NFIA: variants seen among roughly 807,000 people sequenced by gnomAD.
NFIA encodes the protein nuclear factor I A, also known as nuclear factor 1 A-type.
In NFIA, 8 loss-of-function variants were observed where a neutral mutation model predicts 62.8. The ratio of observed to expected loss-of-function variants is 0.13; its 90% CI spans 0.07 to 0.23. The LOEUF (loss-of-function observed/expected upper bound fraction) is 0.23. Among genes scored for constraint, NFIA ranks in the 10% least tolerant of loss-of-function variants. NFIA has a pLI of 1.00. For synonymous variants in NFIA, 235 were observed against 238.1 expected (o/e 0.99, Z 0.12); for missense variants, 410 against 642.1 (o/e 0.64, Z 3.91).
At chr1:61,350,029 T>C (rs956311052) in intron 4 of NFIA, among the ~76,000 whole-genome samples, 3 of 152,206 alleles carry the variant, frequency 2.0e-5, no homozygotes, top group African/African-American at 4.8e-5. Context: ...TTGCCTATTA[T>C]ATTCTTCAGG....
chr1:61,374,722 G>A (rs1664063477), intron 6 of NFIA, among the ~76,000 whole-genome samples: 1 of 152,120 alleles, frequency 6.6e-6, no homozygotes, highest in African/African-American at 2.4e-5. Context: ...ACTTCTTTAT[G>A]ATGTGATAAT....
chr1:61,138,496 G>A (rs750468069), intron 2 of NFIA, among the ~76,000 whole-genome samples: 37 of 151,984 alleles, frequency 2.4e-4, no homozygotes, highest in Non-Finnish European at 2.5e-4. Flanking sequence ...CTTTGTTGCC[G>A]GACAGATTTG....
In NFIA at chr1:61,203,616, C is replaced by A. The variant is rs184859102; in HGVS notation, c.560-73904C>A. Among the ~76,000 whole-genome samples, 139 of 152,224 alleles carry A rather than the reference C, an allele frequency of 9.1e-4. 1 individual carries two copies. The highest frequency in any genetic ancestry group is 2.8e-3 in the African/African-American group (117 of 41,552). On this transcript the variant is annotated intron_variant, in intron 2 of 10. Transcript: ENST00000403491. The stretch of plus-strand genomic sequence containing the variant: ...CTTCCTTGATTAGCCTTCTTCCTCT[C>A]CCTTCTACCCATTGTACATGGTTTC...
chr1:61,223,027 T>C (rs989543405), intron 2 of NFIA, among the ~76,000 whole-genome samples: 1 of 152,036 alleles, frequency 6.6e-6, no homozygotes, highest in Non-Finnish European at 1.5e-5. Context: ...AGGGAAAAAA[T>C]GTTGCCGAAT....
intron 3 of NFIA, among the ~76,000 whole-genome samples, chr1:61,298,424 C>T (rs892921948): frequency 2.0e-5 from 3 of 151,970 alleles, no homozygotes; most frequent in Non-Finnish European, 2.9e-5. Flanking sequence ...AATGGACTAA[C>T]GTACTACCCT....
intron 2 of NFIA, among the ~76,000 whole-genome samples, chr1:61,192,576 G>T (rs575209373): frequency 6.6e-6 from 1 of 151,848 alleles, no homozygotes; most frequent in Non-Finnish European, 1.5e-5. Flanking sequence ...GGTGGTGGGC[G>T]CCTGTAATCC....
chr1:61,087,493 A>G (rs557688526), intron 1 of NFIA, among the ~76,000 whole-genome samples: 34 of 152,124 alleles, frequency 2.2e-4, no homozygotes, highest in African/African-American at 5.8e-4. Flanking sequence ...CTTCTTTTGT[A>G]TATGAACCTC....
At chr1:61,324,584 A>G (rs1204343973) in intron 3 of NFIA, among the ~76,000 whole-genome samples, 2 of 152,080 alleles carry the variant, frequency 1.3e-5, no homozygotes, top group African/African-American at 4.8e-5. Context: ...GGACCTGAAA[A>G]CTTTCTTTAG....
chr1:61,081,630 G>T, upstream of NFIA: 1 of 371,920 alleles, frequency 2.7e-6, no homozygotes, highest in Non-Finnish European at 4.9e-6. Context: ...TGGCGTCTGT[G>T]TTCAAACCCA....
intron 3 of NFIA, among the ~76,000 whole-genome samples, chr1:61,317,764 C>T: frequency 6.6e-6 from 1 of 151,892 alleles, no homozygotes; most frequent in East Asian, 1.9e-4. Context: ...GTTAAAAATT[C>T]CCTGTATGAT....
chr1:61,173,151 T>C (rs773128702), intron 2 of NFIA, among the ~76,000 whole-genome samples: 1 of 152,222 alleles, frequency 6.6e-6, no homozygotes, highest in South Asian at 2.1e-4. Flanking sequence ...CTTTCCACTA[T>C]TCCGTTTTGA....
intron 5 of NFIA, among the ~76,000 whole-genome samples, chr1:61,357,459 C>T (rs1003643542): frequency 1.3e-5 from 2 of 152,094 alleles, no homozygotes; most frequent in African/African-American, 4.8e-5. Flanking sequence ...TTTTTAATAC[C>T]AAATGGCTGC....
chr1:61,341,060 C>CTTTTTTTTTT (rs35203949), intron 4 of NFIA, among the ~76,000 whole-genome samples: 1 of 108,792 alleles, frequency 9.2e-6, no homozygotes, highest in African/African-American at 3.6e-5. Context: ...TACCGGCATT[C>CTTTTTTTTTT]TTTTTTTTTT....
At chr1:61,224,315 AGT>A (rs1298855077) in intron 2 of NFIA, among the ~76,000 whole-genome samples, 2 of 152,122 alleles carry the variant, frequency 1.3e-5, no homozygotes, top group African/African-American at 4.8e-5. Flanking sequence ...CATAGAAAAA[AGT>A]GTGCTTTTTT....
In NFIA at chr1:61,456,655, T is replaced by C. The variant is rs991530334; in HGVS notation, c.*1335T>C. 2.0e-5 allele frequency: 3 copies of C among 148,668 alleles called. No individual in the cohort carries two copies. The highest frequency in any genetic ancestry group is 4.4e-5 in the Non-Finnish European group (3 of 67,432). 9.2% of individuals were successfully genotyped at this position (148,668 alleles called of 1,614,324 possible). The stretch of plus-strand genomic sequence containing the variant: ...ACCTTTGCATCCCTGAACTGGGCTA[T>C]GGGAAATAATAATAGTAATAATAAT... On this transcript the variant is annotated 3_prime_UTR_variant, in exon 11 of 11. Transcript: ENST00000403491.
At chr1:61,448,533 C>T (rs1486119060) in intron 10 of NFIA, among the ~76,000 whole-genome samples, 2 of 152,214 alleles carry the variant, frequency 1.3e-5, no homozygotes, top group African/African-American at 4.8e-5. Flanking sequence ...AGCCCCTAGC[C>T]AGGCATTTAA....
At chr1:61,278,205 T>G (rs1657929004) in intron 3 of NFIA, among the ~76,000 whole-genome samples, 1 of 152,332 alleles carries the variant, frequency 6.6e-6, no homozygotes, top group East Asian at 1.9e-4. Context: ...ATACATTATA[T>G]ATGAATATCA....
At chr1:61,081,413 G>C (rs1057417472), upstream of NFIA, among the ~76,000 whole-genome samples, 3 of 152,114 alleles carry the variant, frequency 2.0e-5, no homozygotes, top group African/African-American at 7.2e-5. Flanking sequence ...AGGGAAAAAA[G>C]GGATTCTTAA....
At chr1:61,325,372 A>T (rs1342183667) in intron 3 of NFIA, among the ~76,000 whole-genome samples, 1 of 152,148 alleles carries the variant, frequency 6.6e-6, no homozygotes, top group African/African-American at 2.4e-5. Context: ...ATATTAATTC[A>T]CTCAGGTTTG....
Sources: gnomAD v4.1 joint callset for allele counts (sites outside exome capture counted in the v4.1 genomes callset) on GRCh38, gnomAD v4.1.1 for gene constraint, MANE v1.5 for transcripts, NCBI Gene and HGNC (gene_info 2026-07-23, HGNC 2026-07-21) for gene names.